The following PPHLN1 variants were observed in gnomAD, a reference collection of about 807,000 sequenced individuals.
PPHLN1 encodes the protein periphilin 1, also known as periphilin-1.
PPHLN1 carries 29 observed loss-of-function variants against 51.3 expected under a neutral mutation model. The ratio of observed to expected loss-of-function variants is 0.57; its 90% CI spans 0.42 to 0.77. PPHLN1 has a LOEUF of 0.77. Ranked by LOEUF, PPHLN1 falls within the 30% of genes least tolerant of loss-of-function variation. The pLI, the probability that PPHLN1 is intolerant of heterozygous loss-of-function variation, is 0.00. For missense variants in PPHLN1, 436 were observed against 438.4 expected (o/e 0.99, Z 0.05); for synonymous variants, 147 against 147.8 (o/e 0.99, Z 0.04).
At chr12:42,389,731 G>T (rs1377091531) in intron 7 of PPHLN1, among the ~76,000 whole-genome samples, 21 of 152,208 alleles carry the variant, frequency 1.4e-4, no homozygotes, top group Admixed American at 1.4e-3. Flanking sequence ...CCATAAGCAG[G>T]TTGGATGGGT....
intron 2 of PPHLN1, among the ~76,000 whole-genome samples, chr12:42,344,203 A>T (rs538028684): frequency 7.2e-5 from 11 of 152,320 alleles, no homozygotes; most frequent in Admixed American, 7.2e-4. Flanking sequence ...AAGGTTTTGT[A>T]GGCTTACATT....
In PPHLN1 at chr12:42,375,616, G is replaced by A. The variant is rs1297742918; in HGVS notation, c.511+542G>A. Among the ~76,000 whole-genome samples the A allele has an allele frequency of 4.6e-5, 7 of 151,978 alleles. No homozygotes were observed. The East Asian group carries it at 1.3e-3, about 29-fold the overall frequency. On this transcript the variant is annotated intron_variant, in intron 5 of 9. Coordinates refer to ENST00000358314, the MANE Select transcript of PPHLN1 (RefSeq NM_201439.2). ...TGAGCCACTGCTCCTGGCCAGCCTTGTAAAATTTAGAGTGAAAACCTCTCT... is the reference window on the plus strand; with the variant it reads ...TGAGCCACTGCTCCTGGCCAGCCTTATAAAATTTAGAGTGAAAACCTCTCT...
chr12:42,359,152 T>C (rs2074354695), intron 4 of PPHLN1: 1 of 152,226 alleles, frequency 6.6e-6, no homozygotes, highest in Non-Finnish European at 1.5e-5. Context: ...TTGCCTGTAC[T>C]GTAATTTTAC....
At chr12:42,366,553 G>GTTTTT (rs1263443271) in intron 4 of PPHLN1, among the ~76,000 whole-genome samples, 1 of 150,486 alleles carries the variant, frequency 6.6e-6, no homozygotes, top group Non-Finnish European at 1.5e-5. Context: ...TTTTGTTTTT[G>GTTTTT]TTTTTGTTTT....
chr12:42,336,936 G>A (rs1363840997), intron 2 of PPHLN1, among the ~76,000 whole-genome samples: 3 of 152,088 alleles, frequency 2.0e-5, no homozygotes, highest in Non-Finnish European at 4.4e-5. Flanking sequence ...GGGTGGTATC[G>A]TCTTTAGGTT....
chr12:42,417,376 TG>T (rs1297194315), intron 9 of PPHLN1, among the ~76,000 whole-genome samples: 12 of 151,992 alleles, frequency 7.9e-5, no homozygotes, highest in Admixed American at 7.9e-4. Context: ...GAGATGAGTT[TG>T]GGAAAGAGGC....
At chr12:42,407,319 C>G (rs2079400598) in intron 9 of PPHLN1, among the ~76,000 whole-genome samples, 1 of 152,182 alleles carries the variant, frequency 6.6e-6, no homozygotes, top group East Asian at 1.9e-4. Flanking sequence ...ATGACTGGAG[C>G]TGGTAGATTG....
intron 2 of PPHLN1, among the ~76,000 whole-genome samples, chr12:42,346,536 C>T (rs890829287): frequency 6.6e-6 from 1 of 152,118 alleles, no homozygotes; most frequent in African/African-American, 2.4e-5. Flanking sequence ...GTGAATAATG[C>T]TGCAGTGAAC....
At chr12:42,419,537 A>G (rs1301559029) in intron 9 of PPHLN1, among the ~76,000 whole-genome samples, 1 of 152,150 alleles carries the variant, frequency 6.6e-6, no homozygotes, top group African/African-American at 2.4e-5. Context: ...CCTGGCCTTT[A>G]TACTTTTCTA....
chr12:42,391,059 C>T (rs1452384405), intron 7 of PPHLN1, among the ~76,000 whole-genome samples: 1 of 151,954 alleles, frequency 6.6e-6, no homozygotes, highest in African/African-American at 2.4e-5. Flanking sequence ...TTTGATTTGC[C>T]CAAGGTCACA....
At chr12:42,344,961 T>G (rs2072073364) in intron 2 of PPHLN1, among the ~76,000 whole-genome samples, 1 of 152,124 alleles carries the variant, frequency 6.6e-6, no homozygotes, top group African/African-American at 2.4e-5. Flanking sequence ...TCTGCCCCCC[T>G]CAGCCTCCCA....
intron 9 of PPHLN1, among the ~76,000 whole-genome samples, chr12:42,425,068 A>ATGTATGTG: frequency 6.6e-6 from 1 of 151,540 alleles, no homozygotes; most frequent in East Asian, 1.9e-4. Context: ...GTATGTATGT[A>ATGTATGTG]TGTATGTATG....
chr12:42,445,466 T>C (rs917408707), downstream of PPHLN1: 4 of 264,708 alleles, frequency 1.5e-5, no homozygotes, highest in Admixed American at 5.0e-5. Context: ...AACTAAGATA[T>C]ATACATGTAT....
chr12:42,352,126 C>T (rs1416283960), intron 3 of PPHLN1, 77 bp downstream of exon 3: 9 of 1,276,118 alleles, frequency 7.1e-6, no homozygotes, highest in South Asian at 4.6e-5. Flanking sequence ...ATTTATGTGA[C>T]GGCCGTGAAA....
intron 9 of PPHLN1, among the ~76,000 whole-genome samples, chr12:42,414,236 C>T (rs1341928217): frequency 2.6e-5 from 4 of 151,162 alleles, no homozygotes; most frequent in Non-Finnish European, 5.9e-5. Context: ...GGTTTCACCA[C>T]GTTGGCCAGG....
chr12:42,399,056 A>G (rs754065201), intron 9 of PPHLN1, 62 bp downstream of exon 9: 21 of 1,568,776 alleles, frequency 1.3e-5, no homozygotes, highest in Non-Finnish European at 1.8e-5. Context: ...ACATGTAAAC[A>G]TTTATTGAAT....
intron 9 of PPHLN1, among the ~76,000 whole-genome samples, chr12:42,434,721 T>G (rs1470317772): frequency 1.3e-5 from 2 of 152,170 alleles, no homozygotes; most frequent in Non-Finnish European, 2.9e-5. Flanking sequence ...TGAGACGGAG[T>G]CTTGCTCTGT....
intron 9 of PPHLN1, among the ~76,000 whole-genome samples, chr12:42,407,085 A>T (rs527506237): frequency 2.0e-5 from 3 of 152,278 alleles, no homozygotes; most frequent in Admixed American, 6.5e-5. Flanking sequence ...CCCCATCTTC[A>T]TTATTATAGC....
intron 1 of PPHLN1, among the ~76,000 whole-genome samples, chr12:42,331,314 T>G (rs1358040028): frequency 6.6e-6 from 1 of 152,236 alleles, no homozygotes; most frequent in Non-Finnish European, 1.5e-5. Flanking sequence ...AATGCAGAGT[T>G]ACTATAGCCT....
Sources: allele counts gnomAD v4.1 joint callset (sites outside exome capture counted in the v4.1 genomes callset), GRCh38; gene constraint gnomAD v4.1.1; transcripts MANE v1.5; gene names NCBI Gene and HGNC (gene_info 2026-07-23, HGNC 2026-07-21).